Variants in TEAD1 observed in about 807,000 individuals in gnomAD.
The protein encoded by TEAD1 is TEA domain transcription factor 1.
Under a neutral mutation model 54.9 loss-of-function variants are expected in TEAD1, and 9 were observed. That is an observed-to-expected ratio of 0.16 (90% CI 0.10 to 0.29). The LOEUF (loss-of-function observed/expected upper bound fraction) is 0.29. TEAD1 is among the 10% of genes least tolerant of loss of function. The pLI, the probability that TEAD1 is intolerant of heterozygous loss-of-function variation, is 1.00. For synonymous variants in TEAD1, 200 were observed against 187.8 expected, an observed-to-expected ratio of 1.07 and a Z score of -0.53; for missense variants, 387 against 535.9, an observed-to-expected ratio of 0.72 and a Z score of 2.74.
intron 2 of TEAD1, among the ~76,000 whole-genome samples, chr11:12,748,385 C>A (rs1944794517): frequency 6.6e-6 from 1 of 152,188 alleles, no homozygotes; most frequent in Non-Finnish European, 1.5e-5. Flanking sequence ...AGGTGGCCGG[C>A]TGTGTCCAGG....
At chr11:12,836,313 G>A (rs901352515) in intron 3 of TEAD1, among the ~76,000 whole-genome samples, 5 of 151,990 alleles carry the variant, frequency 3.3e-5, no homozygotes, top group Non-Finnish European at 7.4e-5. Flanking sequence ...CCAGCTACTC[G>A]GGAGGCTGAG....
chr11:12,737,661 A>T (rs1001412986), intron 2 of TEAD1, among the ~76,000 whole-genome samples: 1 of 152,216 alleles, frequency 6.6e-6, no homozygotes, highest in Non-Finnish European at 1.5e-5. Context: ...TAGCTTATGC[A>T]TGCCTTTTAG....
At chr11:12,875,314 A>G (rs896784466) in intron 5 of TEAD1, among the ~76,000 whole-genome samples, 6 of 152,176 alleles carry the variant, frequency 3.9e-5, no homozygotes, top group Non-Finnish European at 8.8e-5. Context: ...GACACAGAGG[A>G]GCAGTTCACT....
At chr11:12,879,977 A>G (rs1947933053) in intron 6 of TEAD1, 135 bp downstream of exon 6, 7 of 1,330,766 alleles carry the variant, frequency 5.3e-6, no homozygotes, top group Non-Finnish European at 7.3e-6. Flanking sequence ...TTGTCAACTG[A>G]TAACTGAGTC....
At chr11:12,865,799 C>T (rs1422878824) in intron 5 of TEAD1, among the ~76,000 whole-genome samples, 1 of 152,084 alleles carries the variant, frequency 6.6e-6, no homozygotes, top group Non-Finnish European at 1.5e-5. Context: ...TTATAGTTTG[C>T]AAGGAGGAGC....
intron 5 of TEAD1, among the ~76,000 whole-genome samples, chr11:12,866,958 G>A (rs1163257380): frequency 6.6e-6 from 1 of 152,164 alleles, no homozygotes; most frequent in Non-Finnish European, 1.5e-5. Context: ...TGCATCCCGG[G>A]GATGAGCTTC....
chr11:12,746,761 C>T (rs1380372657), intron 2 of TEAD1, among the ~76,000 whole-genome samples: 4 of 152,226 alleles, frequency 2.6e-5, no homozygotes, highest in Non-Finnish European at 4.4e-5. Flanking sequence ...ACACTGGGCC[C>T]AGCGCAGCCC....
At chr11:12,826,922 T>C (rs995862505) in intron 3 of TEAD1, among the ~76,000 whole-genome samples, 8 of 152,216 alleles carry the variant, frequency 5.3e-5, no homozygotes, top group Admixed American at 2.6e-4. Flanking sequence ...ATTCTTCTTG[T>C]CACTTCAGAC....
At chr11:12,814,851 C>T (rs1307205566) in intron 3 of TEAD1, among the ~76,000 whole-genome samples, 1 of 142,624 alleles carries the variant, frequency 7.0e-6, no homozygotes. Flanking sequence ...CCCCGTCCGT[C>T]CCGAGCTGTG....
At chr11:12,892,863 A>G (rs1254584621) in intron 9 of TEAD1, among the ~76,000 whole-genome samples, 1 of 152,124 alleles carries the variant, frequency 6.6e-6, no homozygotes, top group Non-Finnish European at 1.5e-5. Flanking sequence ...TTCAGAAAAG[A>G]GGCTCCTTCT....
At chr11:12,745,599 T>C (rs1944731392) in intron 2 of TEAD1, among the ~76,000 whole-genome samples, 1 of 151,568 alleles carries the variant, frequency 6.6e-6, no homozygotes, top group Non-Finnish European at 1.5e-5. Context: ...TTTTTTTTTT[T>C]TTTTTGGACT....
Position 12,837,182 on chromosome 11 carries a change from C to T in TEAD1, c.203-25068C>T, listed in dbSNP as rs183581977. Among the ~76,000 whole-genome samples the T allele has an allele frequency of 3.9e-5, 6 of 152,262 alleles. No homozygotes were observed. In the East Asian group the frequency reaches 5.8e-4, roughly 15 times the overall value. On this transcript the variant is annotated intron_variant, in intron 3 of 12. Transcript: ENST00000527636. ...AAAAATCTGTTGAGAGTAAAAGGGA[C>T]GGTATAATTGGTTACCCTCTTCCTT...
intron 10 of TEAD1, among the ~76,000 whole-genome samples, chr11:12,909,958 T>C (rs1948588651): frequency 6.6e-6 from 1 of 152,200 alleles, no homozygotes; most frequent in African/African-American, 2.4e-5. Flanking sequence ...ATACTTCTTT[T>C]TTCCTTACAA....
intron 2 of TEAD1, among the ~76,000 whole-genome samples, chr11:12,737,520 G>A (rs891485822): frequency 6.6e-6 from 1 of 152,116 alleles, no homozygotes; most frequent in African/African-American, 2.4e-5. Flanking sequence ...AGCATTACCT[G>A]TTTGGAGCTG....
chr11:12,860,469 T>C (rs888497963), intron 3 of TEAD1, among the ~76,000 whole-genome samples: 3 of 152,168 alleles, frequency 2.0e-5, no homozygotes, highest in Non-Finnish European at 4.4e-5. Context: ...GCCATGACTC[T>C]AGGACATTCT....
chr11:12,856,588 G>A lies in TEAD1; in HGVS notation c.203-5662G>A, dbSNP rs78080491. Among the ~76,000 whole-genome samples, 1,209 of 152,278 alleles carry A rather than the reference G, an allele frequency of 7.9e-3. 5 individuals carry two copies. Among genetic ancestry groups the A allele is most frequent in the Non-Finnish European group, 0.013 (889 of 68,032 alleles). On this transcript the variant is annotated intron_variant, in intron 3 of 12. Transcript: ENST00000527636. The stretch of plus-strand genomic sequence containing the variant: ...ATTCGATAATCTAGTAGTACTACTG[G>A]GCTGAGCGGGGTGGGGGGATATGTA...
intron 12 of TEAD1, among the ~76,000 whole-genome samples, chr11:12,931,827 T>G (rs1949016546): frequency 6.6e-6 from 1 of 152,168 alleles, no homozygotes; most frequent in Non-Finnish European, 1.5e-5. Flanking sequence ...GCATATTAGA[T>G]TCATCCAGGA....
chr11:12,861,037 C>G (rs1460009908), intron 3 of TEAD1, among the ~76,000 whole-genome samples: 1 of 152,178 alleles, frequency 6.6e-6, no homozygotes, highest in Non-Finnish European at 1.5e-5. Flanking sequence ...AAGGATAGAG[C>G]TGAGCTGATA....
chr11:12,832,758 A>G (rs1946808736), intron 3 of TEAD1, among the ~76,000 whole-genome samples: 1 of 152,250 alleles, frequency 6.6e-6, no homozygotes, highest in Non-Finnish European at 1.5e-5. Flanking sequence ...AAGAAGTTTG[A>G]CTTTTCATTT....
Sources: allele counts gnomAD v4.1 joint callset (sites outside exome capture counted in the v4.1 genomes callset), GRCh38; gene constraint gnomAD v4.1.1; transcripts MANE v1.5; gene names NCBI Gene and HGNC (gene_info 2026-07-23, HGNC 2026-07-21).